PDE8B: variants seen among roughly 807,000 people sequenced by gnomAD.
The protein encoded by PDE8B is phosphodiesterase 8B.
In PDE8B, 26 loss-of-function variants were observed where a neutral mutation model predicts 101.3. That is an observed-to-expected ratio of 0.26 (90% CI 0.19 to 0.36). PDE8B has a LOEUF of 0.36. Among genes scored for constraint, PDE8B ranks in the 10% least tolerant of loss-of-function variants. The pLI, the probability that PDE8B is intolerant of heterozygous loss-of-function variation, is 1.00. For missense variants in PDE8B, 810 were observed against 1,163.1 expected (o/e 0.70, Z 4.42); for synonymous variants, 424 against 429.3 (o/e 0.99, Z 0.15).
intron 1 of PDE8B, among the ~76,000 whole-genome samples, chr5:77,218,528 G>A (rs1458837602): frequency 6.6e-6 from 1 of 152,198 alleles, no homozygotes; most frequent in Non-Finnish European, 1.5e-5. Context: ...AGTGTGGCTG[G>A]TCCTGGAACT....
chr5:77,392,442 C>T (rs933608873), intron 10 of PDE8B, among the ~76,000 whole-genome samples: 1 of 152,124 alleles, frequency 6.6e-6, no homozygotes, highest in Non-Finnish European at 1.5e-5. Flanking sequence ...CCCCCAGACC[C>T]AGGGCTTATA....
rs372430269 is a variant in PDE8B at position 77,278,182 on chromosome 5, G to C, written c.340-33812G>C. Among the ~76,000 whole-genome samples the C allele has an allele frequency of 2.0e-3, 310 of 152,226 alleles. 2 individuals carry two copies. Among genetic ancestry groups the C allele is most frequent in the African/African-American group, 7.1e-3 (297 of 41,540 alleles). On this transcript the variant is annotated intron_variant, in intron 1 of 21. Transcript: ENST00000264917. Reference sequence around the variant, plus strand: ...CAAGTTTACCTCCACCTCTTCTATAGGTAAACGTCTCCCAGCTTCAGTACT... The same window carrying C: ...CAAGTTTACCTCCACCTCTTCTATACGTAAACGTCTCCCAGCTTCAGTACT...
intron 1 of PDE8B, among the ~76,000 whole-genome samples, chr5:77,284,594 A>G (rs1357244470): frequency 6.6e-6 from 1 of 152,214 alleles, no homozygotes; most frequent in African/African-American, 2.4e-5. Context: ...ACACAGGTTA[A>G]GCAATAGAAC....
chr5:77,409,299 C>T (rs889057939), intron 14 of PDE8B, among the ~76,000 whole-genome samples: 2 of 152,150 alleles, frequency 1.3e-5, no homozygotes, highest in African/African-American at 4.8e-5. Context: ...TTTCAGAATT[C>T]CTATGACTGC....
chr5:77,291,126 G>A, intron 1 of PDE8B: 2 of 1,611,096 alleles, frequency 1.2e-6, no homozygotes, highest in Non-Finnish European at 1.7e-6. Flanking sequence ...CAGCTTAGTT[G>A]TTCCATCAGC....
At chr5:77,362,280 A>G (rs1581243332) in intron 10 of PDE8B, among the ~76,000 whole-genome samples, 1 of 152,252 alleles carries the variant, frequency 6.6e-6, no homozygotes, top group African/African-American at 2.4e-5. Context: ...TAAACCAGCC[A>G]TTATTAAAAA....
chr5:77,338,690 A>C (rs2150348910), intron 6 of PDE8B, among the ~76,000 whole-genome samples: 1 of 152,284 alleles, frequency 6.6e-6, no homozygotes, highest in South Asian at 2.1e-4. Flanking sequence ...GGGGGTCTCT[A>C]CTGTTTTTAA....
intron 1 of PDE8B, among the ~76,000 whole-genome samples, chr5:77,246,144 G>A (rs1756890583): frequency 6.6e-6 from 1 of 152,068 alleles, no homozygotes; most frequent in Non-Finnish European, 1.5e-5. Flanking sequence ...GAGCCATCAT[G>A]CCCTGCCCTA....
intron 17 of PDE8B, among the ~76,000 whole-genome samples, chr5:77,414,994 T>C (rs1485948976): frequency 6.6e-6 from 1 of 152,248 alleles, no homozygotes; most frequent in East Asian, 1.9e-4. Context: ...GTTCTGCTAG[T>C]GTATTTGGAG....
intron 1 of PDE8B, among the ~76,000 whole-genome samples, chr5:77,306,741 G>C (rs117873174): frequency 6.6e-6 from 1 of 152,194 alleles, no homozygotes; most frequent in South Asian, 2.1e-4. Flanking sequence ...ATGTGGTGGC[G>C]TGACAGGTGA....
chr5:77,420,160 G>C (rs980878719), intron 19 of PDE8B, among the ~76,000 whole-genome samples: 13 of 152,150 alleles, frequency 8.5e-5, no homozygotes, highest in African/African-American at 3.1e-4. Flanking sequence ...AGACGCAGAC[G>C]AACAGAGACT....
chr5:77,220,283 C>G (rs1479256544), intron 1 of PDE8B, among the ~76,000 whole-genome samples: 2 of 152,168 alleles, frequency 1.3e-5, no homozygotes, highest in African/African-American at 4.8e-5. Context: ...ACTGTGGAGC[C>G]TTCATCCCTT....
At chr5:77,347,997 TG>T (rs1241075948) in intron 7 of PDE8B, among the ~76,000 whole-genome samples, 2 of 152,082 alleles carry the variant, frequency 1.3e-5, no homozygotes, top group Non-Finnish European at 2.9e-5. Flanking sequence ...GGAGGGGGTC[TG>T]GAGATCCATG....
At chr5:77,341,303 C>T (rs1001871842) in intron 6 of PDE8B, among the ~76,000 whole-genome samples, 1 of 152,096 alleles carries the variant, frequency 6.6e-6, no homozygotes, top group South Asian at 2.1e-4. Context: ...CTACCAATAT[C>T]CTTTCATTTC....
At chr5:77,191,237 GTTA>G in the PDE8B span, among the ~76,000 whole-genome samples, 5 of 89,980 alleles carry the variant, frequency 5.6e-5, no homozygotes, top group African/African-American at 2.0e-4. Context: ...CATATTGACA[GTTA>G]GGACTTCAAC....
In PDE8B at chr5:77,233,166, T is replaced by A. The variant is rs997403638; in HGVS notation, c.339+21902T>A. 5.3e-5 allele frequency among the ~76,000 whole-genome samples: 8 copies of A among 152,118 alleles called. No individual in the cohort carries two copies. In the South Asian group the frequency reaches 8.3e-4, roughly 16 times the overall value. On this transcript the variant is annotated intron_variant, in intron 1 of 21. Transcript: ENST00000264917. ...GCACACCCTGTGAGGCTCAGCAAGC[T>A]TGCCAGGGTTTTGTTTTCTGGGTGG...
chr5:77,406,676 T>TC (rs1793524677), intron 12 of PDE8B, among the ~76,000 whole-genome samples: 1 of 152,250 alleles, frequency 6.6e-6, no homozygotes, highest in South Asian at 2.1e-4. Flanking sequence ...GAAATGGGAC[T>TC]CCCCCTCCTG....
intron 3 of PDE8B, among the ~76,000 whole-genome samples, chr5:77,328,565 T>A (rs564005213): frequency 6.6e-6 from 1 of 152,362 alleles, no homozygotes; most frequent in African/African-American, 2.4e-5. Context: ...CTTTAATTTT[T>A]ATCATAAGCT....
intron 10 of PDE8B, among the ~76,000 whole-genome samples, chr5:77,385,432 ATT>A (rs201364254): frequency 2.1e-5 from 3 of 144,038 alleles, no homozygotes; most frequent in African/African-American, 7.7e-5. Context: ...GGATTCATTG[ATT>A]TTTTTTTTTT....
Sources: allele counts gnomAD v4.1 joint callset (sites outside exome capture counted in the v4.1 genomes callset), GRCh38; gene constraint gnomAD v4.1.1; transcripts MANE v1.5; gene names NCBI Gene and HGNC (gene_info 2026-07-23, HGNC 2026-07-21).